Variants in EFCAB6 observed in about 807,000 individuals in gnomAD.
EFCAB6 encodes the protein EF-hand calcium binding domain 6, also known as EF-hand calcium-binding domain-containing protein 6.
EFCAB6 carries 156 observed loss-of-function variants against 169.8 expected under a neutral mutation model. The observed-to-expected ratio is 0.92, with a 90% CI of 0.81 to 1.05. The LOEUF (loss-of-function observed/expected upper bound fraction) is 1.05, where lower values mean the gene tolerates loss of function less well. Ranked by LOEUF, EFCAB6 falls within the 50% of genes least tolerant of loss-of-function variation. EFCAB6 has a pLI of 0.00. For synonymous variants in EFCAB6, 698 were observed against 676.4 expected (o/e 1.03, Z -0.50); for missense variants, 1,800 against 1,829.1 (o/e 0.98, Z 0.29).
chr22:43,789,040 A>G (rs763328993), intron 2 of EFCAB6, among the ~76,000 whole-genome samples: 2 of 152,192 alleles, frequency 1.3e-5, no homozygotes, highest in African/African-American at 2.4e-5. Flanking sequence ...AGAGACAGAA[A>G]GTAGGTTAGT....
At chr22:43,623,739 CA>C (rs137720) in intron 20 of EFCAB6, among the ~76,000 whole-genome samples, 33,477 of 95,242 alleles carry the variant, frequency 0.35, 4,731 homozygotes, top group Middle Eastern at 0.43. Context: ...ACTAAAAATA[CA>C]AAAAAAAAAA....
intron 16 of EFCAB6, among the ~76,000 whole-genome samples, 184 bp downstream of exon 16, chr22:43,668,688 A>G (rs922097579): frequency 2.0e-5 from 3 of 152,226 alleles, no homozygotes; most frequent in Non-Finnish European, 2.9e-5. Flanking sequence ...GGTAAATTCA[A>G]TAATTCCTAA....
At chr22:43,738,125 TAC>T (rs2060227184) in intron 6 of EFCAB6, among the ~76,000 whole-genome samples, 3 of 124,750 alleles carry the variant, frequency 2.4e-5, no homozygotes, top group Admixed American at 7.8e-5. Flanking sequence ...CATATATTCA[TAC>T]ACACACCTGT....
intron 21 of EFCAB6, among the ~76,000 whole-genome samples, chr22:43,613,944 T>TTGCAAGAGC (rs2053505401): frequency 6.6e-6 from 1 of 151,898 alleles, no homozygotes; most frequent in Non-Finnish European, 1.5e-5. Flanking sequence ...CTGGTCTTAT[T>TTGCAAGAGC]TGCAAGAGCT....
intron 18 of EFCAB6, among the ~76,000 whole-genome samples, chr22:43,634,149 C>T (rs1253954933): frequency 1.3e-5 from 2 of 152,128 alleles, no homozygotes; most frequent in Non-Finnish European, 2.9e-5. Flanking sequence ...CCCTGGGCCC[C>T]AATTTCCTTA....
intron 17 of EFCAB6, among the ~76,000 whole-genome samples, chr22:43,650,501 C>G (rs189083460): frequency 1.2e-3 from 183 of 152,280 alleles, no homozygotes; most frequent in African/African-American, 4.2e-3. Flanking sequence ...ATTGCTCAGT[C>G]TTGGGTATGT....
intron 26 of EFCAB6, among the ~76,000 whole-genome samples, chr22:43,556,356 G>C (rs2048706249): frequency 6.6e-6 from 1 of 152,192 alleles, no homozygotes; most frequent in South Asian, 2.1e-4. Flanking sequence ...ACCTGGAAGG[G>C]GTGGGGCTAG....
chr22:43,661,757 C>A (rs2057012250), intron 17 of EFCAB6, among the ~76,000 whole-genome samples: 1 of 152,218 alleles, frequency 6.6e-6, no homozygotes, highest in Admixed American at 6.5e-5. Flanking sequence ...ATCAGAAGCT[C>A]TGCTATGTCT....
chr22:43,757,727 AG>A (rs1483110227), intron 5 of EFCAB6, among the ~76,000 whole-genome samples: 1 of 152,080 alleles, frequency 6.6e-6, no homozygotes, highest in African/African-American at 2.4e-5. Flanking sequence ...TCTGCATTGC[AG>A]TTCAGCCTCT....
rs192798238 is a variant in EFCAB6, at chr22:43,606,659, G to C, written c.2681+1823C>G. Among the ~76,000 whole-genome samples the C allele has an allele frequency of 2.0e-3, 308 of 152,356 alleles. 2 individuals are homozygous for C. The Middle Eastern group carries it at 0.02, about 10-fold the overall frequency. The stretch of plus-strand genomic sequence containing the variant: ...TGCCCACGCATCTGGCTGCAGAGCT[G>C]TTGCTCTTAACCACTCACCATGTGT... On this transcript the variant is annotated intron_variant, in intron 22 of 31. Transcript: ENST00000262726.
chr22:43,698,229 C>A (rs573910801), intron 10 of EFCAB6, among the ~76,000 whole-genome samples: 1 of 152,288 alleles, frequency 6.6e-6, no homozygotes, highest in South Asian at 2.1e-4. Context: ...GAGGCCAACA[C>A]TGAGCCCTCA....
chr22:43,585,019 C>T (rs1453511048), intron 24 of EFCAB6, among the ~76,000 whole-genome samples: 1 of 152,134 alleles, frequency 6.6e-6, no homozygotes, highest in Non-Finnish European at 1.5e-5. Flanking sequence ...TCTCTAAAGG[C>T]TTATATACCT....
chr22:43,761,026 G>T (rs897760154), intron 5 of EFCAB6, among the ~76,000 whole-genome samples: 14 of 152,202 alleles, frequency 9.2e-5, no homozygotes, highest in African/African-American at 3.4e-4. Context: ...CAGCCTTCTT[G>T]ATTGACACAC....
chr22:43,742,588 G>A (rs1313271493), intron 6 of EFCAB6, among the ~76,000 whole-genome samples: 2 of 152,232 alleles, frequency 1.3e-5, no homozygotes, highest in Admixed American at 6.5e-5. Flanking sequence ...TCAGAGCCAG[G>A]AAATGGGCCT....
chr22:43,529,435 A>G (rs1292485965), intron 31 of EFCAB6, among the ~76,000 whole-genome samples: 1 of 152,178 alleles, frequency 6.6e-6, no homozygotes, highest in East Asian at 1.9e-4. Context: ...TGCTGGTGGT[A>G]AACCCAATAC....
intron 12 of EFCAB6, among the ~76,000 whole-genome samples, 166 bp from the exon 13 acceptor site, chr22:43,678,329 CTGTGTGTGTGTGTGTGTG>C (rs137787): frequency 3.5e-5 from 5 of 144,262 alleles, no homozygotes; most frequent in African/African-American, 5.1e-5. Flanking sequence ...AACATGAGCA[CTGTGTGTGTGTGTGTGTG>C]TGTGTGTGTG....
intron 21 of EFCAB6, among the ~76,000 whole-genome samples, chr22:43,610,913 C>A (rs2053254085): frequency 6.6e-6 from 1 of 152,048 alleles, no homozygotes; most frequent in African/African-American, 2.4e-5. Context: ...AAGTTACAGG[C>A]CAAATCACTG....
chr22:43,746,126 G>A lies in EFCAB6; in HGVS notation c.507+9640C>T, dbSNP rs570566080. 4.6e-5 allele frequency among the ~76,000 whole-genome samples: 7 copies of A among 152,304 alleles called. No individual in the cohort carries two copies. In the South Asian group the frequency reaches 1.0e-3, roughly 23 times the overall value. ...ACAAACTTCCAATCCGGGGACAAGC[G>A]GGAAGCGGGGGCCGGGCATCGCTCA... On this transcript the variant is annotated intron_variant, in intron 6 of 31. Transcript: ENST00000262726.
chr22:43,608,265 C>T (rs1035281966), intron 22 of EFCAB6, among the ~76,000 whole-genome samples: 1 of 152,114 alleles, frequency 6.6e-6, no homozygotes, highest in Non-Finnish European at 1.5e-5. Context: ...CCTGGTTCTC[C>T]GTGTTACTGA....
Sources: gnomAD v4.1 joint callset for allele counts (sites outside exome capture counted in the v4.1 genomes callset) on GRCh38, gnomAD v4.1.1 for gene constraint, MANE v1.5 for transcripts, NCBI Gene and HGNC (gene_info 2026-07-23, HGNC 2026-07-21) for gene names.